The following HIBADH variants were observed in gnomAD, a reference collection of about 807,000 sequenced individuals.
HIBADH encodes the protein 3-hydroxyisobutyrate dehydrogenase, mitochondrial.
In HIBADH, 25 loss-of-function variants were observed where a neutral mutation model predicts 36.1. The ratio of observed to expected loss-of-function variants is 0.69; its 90% CI spans 0.50 to 0.97. The LOEUF is 0.97. Ranked by LOEUF, HIBADH falls within the 50% of genes least tolerant of loss-of-function variation. HIBADH has a pLI of 0.00. For synonymous variants in HIBADH, 160 were observed against 149.5 expected (o/e 1.07, Z -0.51); for missense variants, 421 against 418.0 (o/e 1.01, Z -0.06).
Position 27,626,417 on chromosome 7 carries a change from T to C in HIBADH, c.484+2954A>G, listed in dbSNP as rs543702238. Among the ~76,000 whole-genome samples the C allele has an allele frequency of 6.6e-5, 10 of 152,330 alleles. No homozygotes were observed. In the South Asian group the frequency reaches 2.1e-3, roughly 32 times the overall value. On this transcript the variant is annotated intron_variant, in intron 4 of 7. Transcript: ENST00000265395. ...AAACATAACAGTTTAAGCATTACTTTCGATTTTTAAAAGAAGTCATATAGC... is the reference window on the plus strand; with the variant it reads ...AAACATAACAGTTTAAGCATTACTTCCGATTTTTAAAAGAAGTCATATAGC...
intron 4 of HIBADH, among the ~76,000 whole-genome samples, chr7:27,613,257 T>A (rs915432170): frequency 1.4e-5 from 2 of 140,028 alleles, no homozygotes; most frequent in African/African-American, 5.2e-5. Flanking sequence ...ATCTCCAGAT[T>A]ATTTAACTCT....
intron 5 of HIBADH, among the ~76,000 whole-genome samples, chr7:27,542,427 T>A (rs918897992): frequency 2.7e-5 from 4 of 147,220 alleles, no homozygotes; most frequent in Non-Finnish European, 4.4e-5. Flanking sequence ...TAATAATGAA[T>A]TTTTTTTCCC....
At chr7:27,613,139 TAA>T (rs1420953241) in intron 4 of HIBADH, among the ~76,000 whole-genome samples, 3 of 118,574 alleles carry the variant, frequency 2.5e-5, no homozygotes, top group Non-Finnish European at 5.1e-5. Flanking sequence ...TATATTTATA[TAA>T]ATATATTTTA....
At chr7:27,575,475 G>T (rs1784694861) in intron 4 of HIBADH, among the ~76,000 whole-genome samples, 1 of 152,210 alleles carries the variant, frequency 6.6e-6, no homozygotes, top group Non-Finnish European at 1.5e-5. Context: ...ATGGCAGGCT[G>T]AGAAGGAAGA....
chr7:27,605,011 T>G (rs1785194663), intron 4 of HIBADH, among the ~76,000 whole-genome samples: 1 of 152,164 alleles, frequency 6.6e-6, no homozygotes, highest in African/African-American at 2.4e-5. Flanking sequence ...GTGAATACAT[T>G]TTTTAAAAGA....
chr7:27,535,223 T>C (rs138586775), intron 6 of HIBADH, among the ~76,000 whole-genome samples: 1 of 151,990 alleles, frequency 6.6e-6, no homozygotes, highest in Non-Finnish European at 1.5e-5. Context: ...CCAGACAGTA[T>C]AGATACATAC....
chr7:27,565,535 T>C (rs1784534256), intron 4 of HIBADH, among the ~76,000 whole-genome samples: 1 of 152,242 alleles, frequency 6.6e-6, no homozygotes, highest in Non-Finnish European at 1.5e-5. Flanking sequence ...TCTATGACCT[T>C]AGGAAACTCA....
rs756662141 is a variant in HIBADH at position 27,608,916 on chromosome 7, A to G, written c.484+20455T>C. 1.9e-4 allele frequency among the ~76,000 whole-genome samples: 29 copies of G among 152,166 alleles called. 1 individual carries two copies. Among genetic ancestry groups the G allele is most frequent in the Non-Finnish European group, 3.7e-4 (25 of 68,028 alleles). ...TATCCATATACTTTCCAGCATAACC[A>G]TGTAAAGAGAACACAGGTTCCCCCT... On this transcript the variant is annotated intron_variant, in intron 4 of 7. Transcript: ENST00000265395.
intron 2 of HIBADH, among the ~76,000 whole-genome samples, chr7:27,634,703 C>T (rs1010755184): frequency 6.6e-6 from 1 of 152,192 alleles, no homozygotes; most frequent in Non-Finnish European, 1.5e-5. Flanking sequence ...GAATTGAGTT[C>T]TCTCCCACTG....
chr7:27,546,107 A>G (rs959941537), intron 4 of HIBADH, among the ~76,000 whole-genome samples: 1 of 150,876 alleles, frequency 6.6e-6, no homozygotes, highest in African/African-American at 2.5e-5. Flanking sequence ...TAAAAATGCT[A>G]TTTATTTATT....
At chr7:27,592,762 T>C (rs1784962307) in intron 4 of HIBADH, among the ~76,000 whole-genome samples, 1 of 152,236 alleles carries the variant, frequency 6.6e-6, no homozygotes, top group African/African-American at 2.4e-5. Flanking sequence ...TTCCACACTA[T>C]AGCTACCATA....
intron 4 of HIBADH, among the ~76,000 whole-genome samples, chr7:27,582,117 TAGTAA>T (rs1327493509): frequency 2.0e-5 from 3 of 152,150 alleles, no homozygotes; most frequent in Non-Finnish European, 4.4e-5. Context: ...CTATTCAACT[TAGTAA>T]AGTAATTGCT....
chr7:27,615,798 A>T (rs1785414666), intron 4 of HIBADH, among the ~76,000 whole-genome samples: 1 of 152,178 alleles, frequency 6.6e-6, no homozygotes, highest in African/African-American at 2.4e-5. Flanking sequence ...GATAAAGAAA[A>T]GTAAGCTATA....
intron 4 of HIBADH, among the ~76,000 whole-genome samples, chr7:27,600,707 T>C (rs1785115749): frequency 6.6e-6 from 1 of 152,060 alleles, no homozygotes; most frequent in South Asian, 2.1e-4. Context: ...AATGAAAAGG[T>C]CTTCAGACAC....
chr7:27,657,967 A>G (rs953119653), intron 1 of HIBADH, among the ~76,000 whole-genome samples: 27 of 152,184 alleles, frequency 1.8e-4, no homozygotes, highest in African/African-American at 6.5e-4. Flanking sequence ...CTCTTACCAA[A>G]AATGGTCAAG....
intron 2 of HIBADH, among the ~76,000 whole-genome samples, chr7:27,633,883 T>C (rs1785791557): frequency 6.6e-6 from 1 of 152,206 alleles, no homozygotes; most frequent in Non-Finnish European, 1.5e-5. Flanking sequence ...CATGTAAGCA[T>C]CTTACAAATA....
chr7:27,560,426 C>T (rs1784447955), intron 4 of HIBADH, among the ~76,000 whole-genome samples: 2 of 152,072 alleles, frequency 1.3e-5, no homozygotes, highest in Non-Finnish European at 1.5e-5. Flanking sequence ...GCCTTTTATT[C>T]ATTTATTTTA....
chr7:27,649,891 A>T (rs930329565), intron 1 of HIBADH, among the ~76,000 whole-genome samples: 1 of 148,218 alleles, frequency 6.7e-6, no homozygotes, highest in African/African-American at 2.5e-5. Flanking sequence ...ATATTTATTA[A>T]AAAAAAAACC....
chr7:27,538,423 A>T lies in HIBADH; in HGVS notation c.619-6T>A, dbSNP rs986905584. ...TTGTTGCAGATCTTTGCCGCCTGAA[A>T]ATAAATTGAGTACATATTAAATATC... On this transcript the variant is annotated splice_region_variant and splice_polypyrimidine_tract_variant and intron_variant, in intron 5 of 7. Transcript: ENST00000265395. The T allele has an allele frequency of 5.6e-6, 9 of 1,611,122 alleles. No homozygotes were observed. The highest frequency in any genetic ancestry group is 7.6e-6 in the Non-Finnish European group (9 of 1,177,806).
Sources: allele counts gnomAD v4.1 joint callset (sites outside exome capture counted in the v4.1 genomes callset), GRCh38; gene constraint gnomAD v4.1.1; transcripts MANE v1.5; gene names NCBI Gene and HGNC (gene_info 2026-07-23, HGNC 2026-07-21).